The following CTNNA2 variants were observed in gnomAD, a reference collection of about 807,000 sequenced individuals.
The protein encoded by CTNNA2 is catenin alpha-2.
A neutral mutation model predicts 101.0 loss-of-function variants in CTNNA2; 42 were observed. The ratio of observed to expected loss-of-function variants is 0.42; its 90% CI spans 0.32 to 0.54. The LOEUF (loss-of-function observed/expected upper bound fraction) is 0.54, where lower values mean the gene tolerates loss of function less well. CTNNA2 is among the 20% of genes least tolerant of loss of function. The pLI is 0.14. For synonymous variants in CTNNA2, 450 were observed against 456.4 expected (o/e 0.99, Z 0.18); for missense variants, 871 against 1,223.1 (o/e 0.71, Z 4.29).
chr2:80,343,575 C>A (rs567661571), intron 7 of CTNNA2, among the ~76,000 whole-genome samples: 2 of 152,164 alleles, frequency 1.3e-5, no homozygotes, highest in East Asian at 3.9e-4. Flanking sequence ...ATGTGTGTTA[C>A]CATTTCTTTG....
At chr2:79,786,360 CT>C (rs1450475343) in intron 3 of CTNNA2, among the ~76,000 whole-genome samples, 1 of 151,830 alleles carries the variant, frequency 6.6e-6, no homozygotes, top group Non-Finnish European at 1.5e-5. Context: ...AGAAAATGAC[CT>C]TTTTCCCCCA....
At position 80,608,201 on chromosome 2, in the gene CTNNA2, T is replaced by C. The variant is rs769318784; in HGVS notation, c.2313T>C (p.Cys771=). The part of the protein sequence containing the change: ...AVADQCPDSA[C]KQDLLAYLQR... ...TTTTATAGTGTCCTGATTCAGCATG[T>C]AAGCAGGATTTATTAGCCTACCTTC... is the stretch of plus-strand genomic sequence containing the variant. Residue 771 remains cysteine (C), a synonymous_variant, in exon 17 of 19, where the codon TGT becomes TGC. Transcript: ENST00000402739. 6.2e-7 allele frequency: 1 copy of C among 1,610,134 alleles called. No individual in the cohort carries two copies. The highest frequency in any genetic ancestry group is 1.7e-5 in the Admixed American group (1 of 59,786).
chr2:80,456,216 G>A (rs1363787322), intron 9 of CTNNA2, among the ~76,000 whole-genome samples: 1 of 152,196 alleles, frequency 6.6e-6, no homozygotes, highest in African/African-American at 2.4e-5. Context: ...TACCCGGGTT[G>A]TAGACCAATG....
intron 9 of CTNNA2, among the ~76,000 whole-genome samples, chr2:80,490,410 A>C (rs1472736383): frequency 1.3e-5 from 2 of 151,740 alleles, no homozygotes; most frequent in Non-Finnish European, 2.9e-5. Flanking sequence ...AGTGCGAATG[A>C]ATGATTGTAG....
chr2:80,450,326 A>G (rs1186807813), intron 9 of CTNNA2, among the ~76,000 whole-genome samples: 1 of 151,974 alleles, frequency 6.6e-6, no homozygotes, highest in Non-Finnish European at 1.5e-5. Flanking sequence ...TTCCTTTTTA[A>G]AGGACCATTT....
At chr2:79,364,107 G>A (rs1338086309) in intron 3 of CTNNA2, among the ~76,000 whole-genome samples, 1 of 152,082 alleles carries the variant, frequency 6.6e-6, no homozygotes, top group African/African-American at 2.4e-5. Flanking sequence ...AGGTCTTGGA[G>A]GAAAAAAATT....
At chr2:79,525,947 T>G (rs1672380554) in intron 1 of CTNNA2, among the ~76,000 whole-genome samples, 1 of 152,048 alleles carries the variant, frequency 6.6e-6, no homozygotes, top group Non-Finnish European at 1.5e-5. Flanking sequence ...CTTCTGTCTA[T>G]ATGATGAAAT....
At chr2:79,470,394 C>A (rs1434617813) in intron 4 of CTNNA2, among the ~76,000 whole-genome samples, 1 of 152,084 alleles carries the variant, frequency 6.6e-6, no homozygotes, top group Non-Finnish European at 1.5e-5. Flanking sequence ...TCCAAAGTAG[C>A]CCAGAGGTAA....
At chr2:79,747,332 GT>G (rs976207253) in intron 3 of CTNNA2, among the ~76,000 whole-genome samples, 2 of 152,060 alleles carry the variant, frequency 1.3e-5, no homozygotes, top group Non-Finnish European at 2.9e-5. Context: ...CTGGATAGTT[GT>G]TTTATTTTTT....
At chr2:79,611,162 A>T (rs1678246382) in intron 1 of CTNNA2, among the ~76,000 whole-genome samples, 1 of 152,202 alleles carries the variant, frequency 6.6e-6, no homozygotes, top group Non-Finnish European at 1.5e-5. Context: ...AAGTGAACAC[A>T]GCAGTTACTC....
intron 1 of CTNNA2, among the ~76,000 whole-genome samples, chr2:79,536,686 T>TTTTCTTTTCTTTTCTTTTCTTTTCTTTTC (rs1553422847): frequency 7.1e-6 from 1 of 139,926 alleles, no homozygotes; most frequent in African/African-American, 2.7e-5. Flanking sequence ...ATGGATTTTT[T>TTTTCTTTTCTTTTCTTTTCTTTTCTTTTC]TTTTCTTTTC....
chr2:80,468,738 A>G (rs551901712), intron 9 of CTNNA2, among the ~76,000 whole-genome samples: 23 of 152,242 alleles, frequency 1.5e-4, no homozygotes, highest in African/African-American at 4.8e-4. Context: ...TTTTAATATT[A>G]GTACCCATTT....
chr2:80,294,370 C>T (rs1052065369), intron 7 of CTNNA2, among the ~76,000 whole-genome samples: 1 of 152,136 alleles, frequency 6.6e-6, no homozygotes, highest in African/African-American at 2.4e-5. Flanking sequence ...TCTATCAGTG[C>T]CACCAGATGG....
At chr2:80,487,572 C>T (rs555132873) in intron 9 of CTNNA2, among the ~76,000 whole-genome samples, 5 of 152,248 alleles carry the variant, frequency 3.3e-5, no homozygotes, top group Middle Eastern at 3.4e-3. Context: ...TTTACTATCA[C>T]GAGAATGGCA....
chr2:79,815,420 C>T (rs146322159), intron 3 of CTNNA2, among the ~76,000 whole-genome samples: 4,828 of 151,714 alleles, frequency 0.032, 278 homozygotes, highest in African/African-American at 0.11. Context: ...GATTTAAGCC[C>T]TTAATCCATC....
At chr2:80,257,175 A>T (rs964741913) in intron 7 of CTNNA2, among the ~76,000 whole-genome samples, 1 of 152,004 alleles carries the variant, frequency 6.6e-6, no homozygotes, top group Non-Finnish European at 1.5e-5. Context: ...AATTCTTCTT[A>T]CCTACCATTT....
intron 2 of CTNNA2, among the ~76,000 whole-genome samples, chr2:79,302,465 G>A (rs944509944): frequency 6.6e-6 from 1 of 152,170 alleles, no homozygotes; most frequent in African/African-American, 2.4e-5. Context: ...AGGCAGAACA[G>A]AGTTCTGACG....
At chr2:79,781,330 G>A (rs1290673742) in intron 3 of CTNNA2, among the ~76,000 whole-genome samples, 4 of 152,132 alleles carry the variant, frequency 2.6e-5, no homozygotes, top group African/African-American at 9.7e-5. Flanking sequence ...TTTCTTTACT[G>A]CAACCTGTTT....
At chr2:80,040,157 G>A (rs1695944332) in intron 7 of CTNNA2, among the ~76,000 whole-genome samples, 1 of 152,156 alleles carries the variant, frequency 6.6e-6, no homozygotes. Flanking sequence ...TAACACATCA[G>A]TAGATTCCAG....
Sources: gnomAD v4.1 joint callset for allele counts (sites outside exome capture counted in the v4.1 genomes callset) on GRCh38, gnomAD v4.1.1 for gene constraint, MANE v1.5 for transcripts, NCBI Gene and HGNC (gene_info 2026-07-23, HGNC 2026-07-21) for gene names.